DNAH8: variants seen among roughly 807,000 people sequenced by gnomAD.
The protein encoded by DNAH8 is axonemal beta dynein heavy chain 8.
Under a neutral mutation model 562.1 loss-of-function variants are expected in DNAH8, and 382 were observed. The ratio of observed to expected loss-of-function variants is 0.68; its 90% confidence interval spans 0.63 to 0.74. DNAH8 has a LOEUF of 0.74. Among genes scored for constraint, DNAH8 ranks in the 30% least tolerant of loss-of-function variants. DNAH8 has a pLI of 0.00. For synonymous variants in DNAH8, 1,881 were observed against 1,919.4 expected, an observed-to-expected ratio of 0.98 and a Z score of 0.52; for missense variants, 5,203 against 5,620.4, an observed-to-expected ratio of 0.93 and a Z score of 2.37.
intron 14 of DNAH8, among the ~76,000 whole-genome samples, chr6:38,778,943 G>T (rs898780924): frequency 2.6e-5 from 4 of 152,164 alleles, no homozygotes; most frequent in Non-Finnish European, 2.9e-5. Flanking sequence ...GTAGTGAAAT[G>T]GTTGCTACAA....
chr6:38,738,647 T>C (rs766224366), intron 7 of DNAH8, among the ~76,000 whole-genome samples: 7 of 152,180 alleles, frequency 4.6e-5, no homozygotes, highest in Non-Finnish European at 7.4e-5. Context: ...TCTTCAGTTA[T>C]GTGAGGATCA....
At chr6:38,951,200 G>A in intron 81 of DNAH8, 118 bp from the exon 82 acceptor site, 1 of 844,330 alleles carries the variant, frequency 1.2e-6, no homozygotes, top group Non-Finnish European at 1.9e-6. Context: ...CTTAGATGTG[G>A]AAAAGTAGGA....
At chr6:38,870,948 C>T (rs993055157) in intron 49 of DNAH8, among the ~76,000 whole-genome samples, 12 of 152,196 alleles carry the variant, frequency 7.9e-5, no homozygotes, top group African/African-American at 2.9e-4. Flanking sequence ...TGCTATTTTG[C>T]TCCTGCTTTG....
At chr6:38,724,287 A>AATGGTATT (rs1350289791) in intron 3 of DNAH8, among the ~76,000 whole-genome samples, 1 of 152,056 alleles carries the variant, frequency 6.6e-6, no homozygotes, top group African/African-American at 2.4e-5. Flanking sequence ...GGCCCAGTTG[A>AATGGTATT]ATGGTATTTC....
At chr6:38,917,787 A>G in intron 69 of DNAH8, 138 bp from the exon 70 acceptor site, 1 of 621,824 alleles carries the variant, frequency 1.6e-6, no homozygotes, top group African/African-American at 1.8e-5. Context: ...TAGGTTGGCT[A>G]CTGCCAATAG....
At chr6:39,028,078 T>C (rs1381296644) in intron 92 of DNAH8, among the ~76,000 whole-genome samples, 1 of 152,176 alleles carries the variant, frequency 6.6e-6, no homozygotes, top group East Asian at 1.9e-4. Flanking sequence ...CACATTCCTG[T>C]CTGAGGCCTC....
chr6:38,989,472 G>A (rs1181188392), intron 87 of DNAH8, among the ~76,000 whole-genome samples: 1 of 152,192 alleles, frequency 6.6e-6, no homozygotes, highest in African/African-American at 2.4e-5. Context: ...TACTTCATGT[G>A]GACAGGGACA....
chr6:38,781,159 G>C (rs577628758), intron 15 of DNAH8, 95 bp from the exon 16 acceptor site: 2 of 1,371,306 alleles, frequency 1.5e-6, no homozygotes, highest in South Asian at 1.3e-5. Context: ...TATAAAACAT[G>C]AATAATGATA....
intron 41 of DNAH8, among the ~76,000 whole-genome samples, chr6:38,854,474 C>A (rs142528304): frequency 2.0e-5 from 3 of 152,130 alleles, no homozygotes; most frequent in African/African-American, 7.2e-5. Context: ...AATGATGTAT[C>A]ATTTATTCAA....
intron 12 of DNAH8, among the ~76,000 whole-genome samples, chr6:38,771,540 C>A (rs978555107): frequency 6.6e-6 from 1 of 152,128 alleles, no homozygotes; most frequent in Admixed American, 6.5e-5. Context: ...CATTATCAGT[C>A]ACACCCCATT....
intron 11 of DNAH8, 36 bp downstream of exon 11, chr6:38,761,839 C>A: frequency 7.8e-7 from 1 of 1,286,080 alleles, no homozygotes; most frequent in South Asian, 1.4e-5. Context: ...TAAACTAAAT[C>A]TTTTCCCATC....
rs1451096761 is a variant in DNAH8, at chr6:38,913,962, C to T, written c.9963+10C>T. On this transcript the variant is annotated intron_variant, in intron 67 of 92. Transcript: ENST00000327475. ...CATAAAAGCAGACGAAGTGAGTTTG[C>T]ATTTATTTTATCACTGATGAGGAAT... 6.9e-6 allele frequency: 11 copies of T among 1,596,136 alleles called. No homozygotes were observed. The highest frequency in any genetic ancestry group is 9.4e-6 in the Non-Finnish European group (11 of 1,164,682).
chr6:38,845,055 G>A lies in DNAH8; in HGVS notation c.4846-519G>A, dbSNP rs553464080. 1.1e-3 allele frequency among the ~76,000 whole-genome samples: 167 copies of A among 150,772 alleles called. 1 individual carries two copies. Among genetic ancestry groups the A allele is most frequent in the Non-Finnish European group, 3.2e-4 (22 of 67,858 alleles). ...ATGTTACTTTTATTTTCTTTCGTGAGTCTTTCTTATTAAGTATTCTCAAAA... is the reference window on the plus strand; with the variant it reads ...ATGTTACTTTTATTTTCTTTCGTGAATCTTTCTTATTAAGTATTCTCAAAA... On this transcript the variant is annotated intron_variant, in intron 35 of 92. Coordinates refer to ENST00000327475, the MANE Select transcript of DNAH8 (RefSeq NM_001206927.2).
At chr6:38,804,788 AGAAAG>A (rs1562845410) in intron 22 of DNAH8, among the ~76,000 whole-genome samples, 34 of 110,902 alleles carry the variant, frequency 3.1e-4, no homozygotes, top group East Asian at 1.6e-3. Context: ...AGAGAGAGAG[AGAAAG>A]AGAAAACTGT....
At position 38,908,108 on chromosome 6, in the gene DNAH8, C is replaced by G. The variant is rs777059593; in HGVS notation, c.9501C>G (p.Leu3167=). The change falls in exon 64 of 93, where the codon CTC becomes CTG. Residue 3167 remains leucine, a synonymous_variant. Transcript: ENST00000327475. ...CAAGGAAGAACTTACATGTTGTTCT[C>G]TGCTTTTCTCCAGTAAGTTTTTATT... ...SRSRKNLHVV[L]CFSPVGEKFR... The G allele has an allele frequency of 1.3e-6, 2 of 1,566,986 alleles. No individual in the cohort carries two copies. The highest frequency in any genetic ancestry group is 2.4e-5 in the South Asian group (2 of 83,774).
intron 89 of DNAH8, among the ~76,000 whole-genome samples, chr6:39,010,778 T>TAC (rs1173607715): frequency 5.0e-5 from 7 of 140,680 alleles, no homozygotes; most frequent in Non-Finnish European, 9.1e-5. Context: ...TATATATATA[T>TAC]ATACACACAC....
chr6:38,926,763 C>T (rs774744291), intron 74 of DNAH8, among the ~76,000 whole-genome samples: 4 of 152,064 alleles, frequency 2.6e-5, no homozygotes, highest in Non-Finnish European at 5.9e-5. Flanking sequence ...TCTAAACCCC[C>T]GTCCCCATGT....
intron 79 of DNAH8, among the ~76,000 whole-genome samples, chr6:38,940,735 C>T (rs1287325148): frequency 6.6e-6 from 1 of 152,186 alleles, no homozygotes; most frequent in African/African-American, 2.4e-5. Context: ...AAATGCAGTT[C>T]CCCGTGTGTT....
intron 82 of DNAH8, 150 bp from the exon 83 acceptor site, chr6:38,971,442 C>T: frequency 1.1e-5 from 5 of 461,694 alleles, no homozygotes; most frequent in Non-Finnish European, 1.5e-5. Context: ...ATCCACACAA[C>T]CAAAGGCCAG....
Sources: gnomAD v4.1 joint callset for allele counts (sites outside exome capture counted in the v4.1 genomes callset) on GRCh38, gnomAD v4.1.1 for gene constraint, MANE v1.5 for transcripts, NCBI Gene and HGNC (gene_info 2026-07-23, HGNC 2026-07-21) for gene names.